LIX1: variants seen among roughly 807,000 people sequenced by gnomAD.
The protein encoded by LIX1 is protein limb expression 1 homolog.
Under a neutral mutation model 33.4 loss-of-function variants are expected in LIX1, and 24 were observed. The observed-to-expected ratio is 0.72, with a 90% CI of 0.52 to 1.01. The LOEUF (loss-of-function observed/expected upper bound fraction) is 1.01. LIX1 is among the 50% of genes least tolerant of loss of function. LIX1 has a pLI of 0.00. For synonymous variants in LIX1, 124 were observed against 124.0 expected, an observed-to-expected ratio of 1.00 and a Z score of 0.00; for missense variants, 311 against 339.2, an observed-to-expected ratio of 0.92 and a Z score of 0.65.
intron 2 of LIX1, among the ~76,000 whole-genome samples, chr5:97,109,988 T>C (rs1341553524): frequency 6.6e-6 from 1 of 152,248 alleles, no homozygotes; most frequent in Admixed American, 6.5e-5. Context: ...CATTGGTTGA[T>C]AGGCACTTAG....
chr5:97,142,134 T>C (rs1166929617), intron 1 of LIX1, among the ~76,000 whole-genome samples: 1 of 152,238 alleles, frequency 6.6e-6, no homozygotes, highest in Non-Finnish European at 1.5e-5. Context: ...GGTTAACAAA[T>C]ATTGATATAT....
At chr5:97,131,151 C>T (rs182970623) in intron 1 of LIX1, among the ~76,000 whole-genome samples, 282 of 152,304 alleles carry the variant, frequency 1.9e-3, no homozygotes, top group African/African-American at 6.3e-3. Context: ...ACATGGAACA[C>T]CTTGGTTATT....
At chr5:97,098,788 T>C (rs1405382015) in intron 4 of LIX1, among the ~76,000 whole-genome samples, 3 of 152,230 alleles carry the variant, frequency 2.0e-5, no homozygotes, top group South Asian at 2.1e-4. Context: ...GGTTCTCTTA[T>C]GAAAATCAGG....
chr5:97,103,977 A>C (rs1746875006), intron 4 of LIX1, among the ~76,000 whole-genome samples: 1 of 151,842 alleles, frequency 6.6e-6, no homozygotes, highest in Non-Finnish European at 1.5e-5. Context: ...AAAAGAAAAA[A>C]AAAAAAAAAA....
chr5:97,100,272 G>A (rs984541391), intron 4 of LIX1, among the ~76,000 whole-genome samples: 2 of 152,062 alleles, frequency 1.3e-5, no homozygotes, highest in African/African-American at 4.8e-5. Context: ...AACTGCTTTC[G>A]TCTCCAGGAT....
In LIX1 at chr5:97,122,017, C is replaced by T. The variant is rs142379446; in HGVS notation, c.246+2449G>A. 3.6e-3 allele frequency among the ~76,000 whole-genome samples: 542 copies of T among 152,286 alleles called. 22 individuals are homozygous for T. The highest frequency in any genetic ancestry group is 0.032 in the Admixed American group (495 of 15,280). On this transcript the variant is annotated intron_variant, in intron 2 of 5. Coordinates refer to ENST00000274382, the MANE Select transcript of LIX1 (RefSeq NM_153234.5). ...CTTCCTCAATGGCTGCCTTTCTTTC[C>T]CCTTCGCTGCCTCTCATCCGTGTCT...
chr5:97,138,210 C>T lies in LIX1; in HGVS notation c.82+4285G>A, dbSNP rs539890672. Reference sequence around the variant, plus strand: ...ATTTGGGAAAAAATCTCAGTGAAATCTTACATGTCACTTCATAAGTCAATG... The same window carrying T: ...ATTTGGGAAAAAATCTCAGTGAAATTTTACATGTCACTTCATAAGTCAATG... On this transcript the variant is annotated intron_variant, in intron 1 of 5. Coordinates refer to ENST00000274382, the MANE Select transcript of LIX1 (RefSeq NM_153234.5). Among the ~76,000 whole-genome samples the T allele has an allele frequency of 5.3e-5, 8 of 152,314 alleles. No individual in the cohort carries two copies. The South Asian group carries it at 1.7e-3, about 32-fold the overall frequency.
At chr5:97,097,608 C>A (rs1288352261) in intron 4 of LIX1, among the ~76,000 whole-genome samples, 2 of 152,180 alleles carry the variant, frequency 1.3e-5, no homozygotes, top group African/African-American at 4.8e-5. Context: ...TTTTGCAAAA[C>A]TTACTGAGTT....
At chr5:97,105,508 A>G (rs907024378) in intron 3 of LIX1, among the ~76,000 whole-genome samples, 23 of 152,352 alleles carry the variant, frequency 1.5e-4, no homozygotes, top group Admixed American at 2.6e-4. Flanking sequence ...ATAATTTTCC[A>G]AAAGAAGACA....
chr5:97,097,779 C>G (rs1289225588), intron 4 of LIX1, among the ~76,000 whole-genome samples: 2 of 152,216 alleles, frequency 1.3e-5, no homozygotes, highest in Non-Finnish European at 2.9e-5. Context: ...AATGGAGTCA[C>G]TCATGCTGAA....
intron 2 of LIX1, among the ~76,000 whole-genome samples, chr5:97,118,561 C>CT (rs1747694807): frequency 6.6e-6 from 1 of 152,064 alleles, no homozygotes; most frequent in African/African-American, 2.4e-5. Context: ...GAAGGATTAA[C>CT]TGCCTAGACA....
chr5:97,111,082 C>CTA (rs773424320), intron 2 of LIX1, among the ~76,000 whole-genome samples: 2 of 152,120 alleles, frequency 1.3e-5, no homozygotes, highest in African/African-American at 2.4e-5. Flanking sequence ...GCTTGGAGGA[C>CTA]TACTGTCCAA....
chr5:97,142,434 G>T, intron 1 of LIX1, 61 bp downstream of exon 1: 2 of 1,129,674 alleles, frequency 1.8e-6, no homozygotes, highest in South Asian at 1.3e-5. Context: ...AATAGGATGT[G>T]ACTTGACGTT....
rs1440977185 is a variant in LIX1, at chr5:97,093,310, A to T, written c.*1438T>A. 1 of 152,342 alleles carries T rather than the reference A, an allele frequency of 6.6e-6. No homozygotes were observed. The highest frequency in any genetic ancestry group is 2.4e-5 in the African/African-American group (1 of 41,482). 9.4% of individuals were successfully genotyped at this position (152,342 alleles called of 1,614,324 possible). ...TTTGCTTTCAGTGAAGCATGTATGCACTTGCATAAACAAAAGAAAAAGAAA... is the reference window on the plus strand; with the variant it reads ...TTTGCTTTCAGTGAAGCATGTATGCTCTTGCATAAACAAAAGAAAAAGAAA... On this transcript the variant is annotated 3_prime_UTR_variant, in exon 6 of 6. Coordinates refer to ENST00000274382, the MANE Select transcript of LIX1 (RefSeq NM_153234.5).
intron 2 of LIX1, 79 bp from the exon 3 acceptor site, chr5:97,107,579 G>A: frequency 7.0e-7 from 1 of 1,435,572 alleles, no homozygotes; most frequent in Non-Finnish European, 9.7e-7. Context: ...TGGGTCTCTG[G>A]ACATTTCTAT....
intron 2 of LIX1, among the ~76,000 whole-genome samples, chr5:97,122,859 T>G (rs997313139): frequency 8.5e-5 from 13 of 152,190 alleles, no homozygotes; most frequent in African/African-American, 2.4e-4. Context: ...AAACCCCTAT[T>G]TTACTCTAAC....
At chr5:97,109,190 G>A (rs316181) in intron 2 of LIX1, among the ~76,000 whole-genome samples, 40,867 of 151,944 alleles carry the variant, frequency 0.27, 6,341 homozygotes, top group African/African-American at 0.43. Context: ...TGTAAAGACC[G>A]TGTCCTTGAC....
intron 3 of LIX1, among the ~76,000 whole-genome samples, chr5:97,106,234 A>T (rs1747016897): frequency 1.3e-5 from 2 of 152,184 alleles, no homozygotes; most frequent in African/African-American, 4.8e-5. Flanking sequence ...TAATTTTCCT[A>T]ACCTCTCTTC....
chr5:97,129,826 A>T (rs1233512184), intron 1 of LIX1, among the ~76,000 whole-genome samples: 3 of 152,260 alleles, frequency 2.0e-5, no homozygotes, highest in Non-Finnish European at 4.4e-5. Context: ...AAAGTATAGA[A>T]GATGGGCTGC....
Sources: gnomAD v4.1 joint callset for allele counts (sites outside exome capture counted in the v4.1 genomes callset) on GRCh38, gnomAD v4.1.1 for gene constraint, MANE v1.5 for transcripts, NCBI Gene and HGNC (gene_info 2026-07-23, HGNC 2026-07-21) for gene names.